Variants in CAPZA1 observed in about 807,000 individuals in gnomAD.
The protein encoded by CAPZA1 is capping actin protein of muscle Z-line subunit alpha 1.
In CAPZA1, 10 loss-of-function variants were observed where a neutral mutation model predicts 40.8. That is an observed-to-expected ratio of 0.25 (90% CI 0.15 to 0.42). The LOEUF (loss-of-function observed/expected upper bound fraction) is 0.42. Ranked by LOEUF, CAPZA1 falls within the 10% of genes least tolerant of loss-of-function variation. The pLI, the probability that CAPZA1 is intolerant of heterozygous loss-of-function variation, is 1.00. For missense variants in CAPZA1, 277 were observed against 353.8 expected (o/e 0.78, Z 1.74); for synonymous variants, 98 against 115.0 (o/e 0.85, Z 0.95).
intron 4 of CAPZA1, among the ~76,000 whole-genome samples, chr1:112,653,943 C>G (rs1184390461): frequency 6.6e-6 from 1 of 152,106 alleles, no homozygotes; most frequent in South Asian, 2.1e-4. Flanking sequence ...AGAGTAACAA[C>G]AGACATTATA....
intron 1 of CAPZA1, among the ~76,000 whole-genome samples, chr1:112,635,029 C>T (rs1314759321): frequency 6.6e-6 from 1 of 152,092 alleles, no homozygotes; most frequent in Admixed American, 6.5e-5. Context: ...TTGCTAGACC[C>T]TGTAATATAT....
At position 112,670,913 on chromosome 1, in the gene CAPZA1, G is replaced by T. The variant is rs1671818222; in HGVS notation, c.*781G>T. 6.6e-6 allele frequency: 1 copy of T among 152,542 alleles called. No homozygotes were observed. The highest frequency in any genetic ancestry group is 2.4e-5 in the African/African-American group (1 of 41,418). The allele number at this position is 152,542 out of a possible 1,614,324, so 9.4% of individuals were successfully genotyped here. On this transcript the variant is annotated 3_prime_UTR_variant, in exon 10 of 10. Transcript: ENST00000263168. ...TTTTAAACATTCAAGAACTGCTGAC[G>T]TACTGTGGATGTAGAGTATAAAACT...
At chr1:112,659,828 A>G in intron 7 of CAPZA1, 49 bp downstream of exon 7, 1 of 1,425,670 alleles carries the variant, frequency 7.0e-7, no homozygotes, top group South Asian at 1.2e-5. Flanking sequence ...TCTTTAAAAC[A>G]TGTGCAGGTT....
In CAPZA1 at chr1:112,619,878, G is replaced by A. The variant is rs149653791; in HGVS notation, c.34G>A (p.Glu12Lys). The change falls in exon 1 of 10, where the codon GAG (glutamate) becomes AAG (lysine). Residue 12 changes from glutamate (E) to lysine (K), a missense_variant. Coordinates refer to ENST00000263168, the MANE Select transcript of CAPZA1 (RefSeq NM_006135.3). ...CTTCGATGATCGTGTGTCGGATGAGGAGAAGGTAAGGGGTCCGCCTCTCTC... is the reference window on the plus strand; with the variant it reads ...CTTCGATGATCGTGTGTCGGATGAGAAGAAGGTAAGGGGTCCGCCTCTCTC... Reference protein sequence around the residue: ...ADFDDRVSDEEKVRIAAKFIT... With the variant: ...ADFDDRVSDEKKVRIAAKFIT... The A allele has an allele frequency of 3.7e-3, 5,962 of 1,611,892 alleles. 26 individuals carry two copies. Among genetic ancestry groups the A allele is most frequent in the Non-Finnish European group, 4.7e-3 (5,497 of 1,179,028 alleles).
chr1:112,664,008 G>A (rs1671670153), intron 7 of CAPZA1, among the ~76,000 whole-genome samples: 1 of 151,916 alleles, frequency 6.6e-6, no homozygotes, highest in South Asian at 2.1e-4. Context: ...CCAAAGCAGG[G>A]GGATCATGAG....
intron 9 of CAPZA1, 21 bp downstream of exon 9, chr1:112,669,626 T>G (rs1219615694): frequency 1.3e-6 from 2 of 1,509,212 alleles, no homozygotes; most frequent in Non-Finnish European, 1.8e-6. Flanking sequence ...TTGGAGTTAA[T>G]TTTCCTAGAT....
intron 1 of CAPZA1, among the ~76,000 whole-genome samples, chr1:112,639,864 T>G (rs1570708613): frequency 1.2e-5 from 1 of 82,992 alleles, no homozygotes; most frequent in Admixed American, 1.3e-4. Context: ...GGGAGGGAGG[T>G]GGGGGGGTCA....
At chr1:112,666,080 C>T (rs977140378) in intron 7 of CAPZA1, among the ~76,000 whole-genome samples, 2 of 152,090 alleles carry the variant, frequency 1.3e-5, no homozygotes, top group African/African-American at 4.8e-5. Flanking sequence ...TCAAGTGATC[C>T]TCCCGTCTTA....
chr1:112,638,926 A>G (rs151241856), intron 1 of CAPZA1, among the ~76,000 whole-genome samples: 4 of 148,468 alleles, frequency 2.7e-5, no homozygotes, highest in South Asian at 4.2e-4. Flanking sequence ...ATAGATATAG[A>G]TATAGATATA....
chr1:112,658,756 T>C (rs1671543660), intron 5 of CAPZA1, among the ~76,000 whole-genome samples: 1 of 152,188 alleles, frequency 6.6e-6, no homozygotes. Context: ...ATCTCATCTG[T>C]CTTGTATGAC....
At chr1:112,654,261 T>TG (rs1366728808) in intron 4 of CAPZA1, among the ~76,000 whole-genome samples, 5 of 152,144 alleles carry the variant, frequency 3.3e-5, no homozygotes, top group Admixed American at 6.5e-5. Flanking sequence ...ATTATTAGTA[T>TG]GGGGGATATT....
At chr1:112,649,389 C>T (rs762120857) in intron 2 of CAPZA1, 29 bp from the exon 3 acceptor site, 4 of 1,579,052 alleles carry the variant, frequency 2.5e-6, no homozygotes, top group Non-Finnish European at 3.5e-6. Context: ...TTATCCTCCA[C>T]TGAACATTGT....
chr1:112,632,167 T>C (rs1429913194), intron 1 of CAPZA1, among the ~76,000 whole-genome samples: 1 of 152,002 alleles, frequency 6.6e-6, no homozygotes, highest in African/African-American at 2.4e-5. Context: ...TAGCAGAGCC[T>C]GGTGGTGGGC....
intron 1 of CAPZA1, among the ~76,000 whole-genome samples, chr1:112,640,495 G>A (rs1402554445): frequency 7.8e-6 from 1 of 127,730 alleles, no homozygotes; most frequent in African/African-American, 3.1e-5. Context: ...AGGTGGGGGG[G>A]TCAGCCCCCC....
At chr1:112,642,722 G>T (rs972968672) in intron 1 of CAPZA1, among the ~76,000 whole-genome samples, 1 of 151,964 alleles carries the variant, frequency 6.6e-6, no homozygotes, top group Non-Finnish European at 1.5e-5. Flanking sequence ...TTTTATATGC[G>T]GTATCAGTTC....
intron 7 of CAPZA1, among the ~76,000 whole-genome samples, chr1:112,665,693 G>C (rs1475441458): frequency 6.6e-6 from 1 of 152,152 alleles, no homozygotes; most frequent in Admixed American, 6.5e-5. Flanking sequence ...AGGTAGAAGA[G>C]TGGCAAGAGA....
chr1:112,622,918 T>C (rs988503034), intron 1 of CAPZA1, among the ~76,000 whole-genome samples: 1 of 151,392 alleles, frequency 6.6e-6, no homozygotes, highest in Non-Finnish European at 1.5e-5. Context: ...AGTCTTGCAC[T>C]GTCTCCCAGC....
intron 1 of CAPZA1, among the ~76,000 whole-genome samples, chr1:112,633,474 T>G (rs577130982): frequency 9.9e-5 from 15 of 151,920 alleles, no homozygotes; most frequent in Non-Finnish European, 1.8e-4. Flanking sequence ...ACACATTTTC[T>G]TTATCCATTC....
At chr1:112,659,584 C>CTTTTTT in intron 6 of CAPZA1, 117 bp from the exon 7 acceptor site, 1 of 373,382 alleles carries the variant, frequency 2.7e-6, no homozygotes. Flanking sequence ...TTCTCTCTCT[C>CTTTTTT]TCTTTTTTTT....
Sources: allele counts gnomAD v4.1 joint callset (sites outside exome capture counted in the v4.1 genomes callset), GRCh38; gene constraint gnomAD v4.1.1; transcripts MANE v1.5; gene names NCBI Gene and HGNC (gene_info 2026-07-23, HGNC 2026-07-21).